Variants in CYB561A3 observed in about 807,000 individuals in gnomAD.
The protein encoded by CYB561A3 is lysosomal membrane ascorbate-dependent ferrireductase CYB561A3.
In CYB561A3, 16 loss-of-function variants were observed where a neutral mutation model predicts 25.3. That is an observed-to-expected ratio of 0.63 (90% confidence interval 0.43 to 0.96). The LOEUF is 0.96. Among genes scored for constraint, CYB561A3 ranks in the 40% least tolerant of loss-of-function variants. The pLI is 0.00. For synonymous variants in CYB561A3, 131 were observed against 129.9 expected, an observed-to-expected ratio of 1.01 and a Z score of -0.06; for missense variants, 219 against 307.5, an observed-to-expected ratio of 0.71 and a Z score of 2.15.
chr11:61,353,184 CA>C (rs772430268), intron 4 of CYB561A3, 45 bp from the exon 5 acceptor site: 1 of 1,542,858 alleles, frequency 6.5e-7, no homozygotes, highest in Non-Finnish European at 8.7e-7. Flanking sequence ...TATGTGTGAC[CA>C]AAGCACATCC....
chr11:61,361,287 T>C (rs1441196533), intron 1 of CYB561A3: 2 of 152,212 alleles, frequency 1.3e-5, no homozygotes, highest in African/African-American at 4.8e-5. Context: ...GATTCCTTAT[T>C]CTCAAAGGTA....
intron 6 of CYB561A3, 65 bp from the exon 7 acceptor site, chr11:61,350,487 TG>T: frequency 6.3e-7 from 1 of 1,588,864 alleles, no homozygotes; most frequent in East Asian, 2.3e-5. Flanking sequence ...AGGCCCAAGC[TG>T]TTCAGACAGA....
At chr11:61,356,428 A>C in intron 3 of CYB561A3, 102 bp downstream of exon 3, 3 of 951,008 alleles carry the variant, frequency 3.2e-6, no homozygotes, top group South Asian at 1.6e-5. Context: ...CTACCCCCAT[A>C]GCCCCAAGCC....
rs867590741 is a variant in CYB561A3 at position 61,354,122 on chromosome 11, A to T, written c.185-130T>A. ...AGGAAATGCTAGGGCACTGGTATCA[A>T]CTCCTCGGCATCTTCTACCCTCCCA... On this transcript the variant is annotated intron_variant, in intron 3 of 6. Transcript: ENST00000294072. 2.3e-5 allele frequency: 20 copies of T among 883,372 alleles called. No individual in the cohort carries two copies. In the South Asian group the frequency reaches 3.3e-4, roughly 15 times the overall value. 54.7% of individuals were successfully genotyped at this position (883,372 alleles called of 1,614,324 possible). A position where few individuals can be genotyped will look rare whatever the true frequency, so the allele number is the denominator to read the frequency against.
At position 61,351,014 on chromosome 11, in the gene CYB561A3, G is replaced by A; in HGVS notation, c.682C>T (p.Pro228Ser). 6.2e-7 allele frequency: 1 copy of A among 1,613,884 alleles called. No homozygotes were observed. The highest frequency in any genetic ancestry group is 1.1e-5 in the South Asian group (1 of 91,064). Residue 228 changes from proline (P) to serine (S), a missense_variant, in exon 6 of 7, where the codon CCG (proline) becomes TCG (serine). Physicochemically the swap from Pro to Ser is moderately conservative, Grantham distance 74. Coordinates refer to ENST00000294072, the MANE Select transcript of CYB561A3 (RefSeq NM_153611.6). ...LLASSWKRPE[P>S]GILTDRQPLL... The stretch of plus-strand genomic sequence containing the variant: ...ACCTGTCTGTCGGTCAGGATCCCCG[G>A]CTCTGGGCGCTTCCAAGATGAAGCC...
intron 6 of CYB561A3, 192 bp from the exon 7 acceptor site, chr11:61,350,614 G>C (rs1261280921): frequency 3.0e-6 from 2 of 674,806 alleles, no homozygotes; most frequent in Non-Finnish European, 5.0e-6. Flanking sequence ...CCTGCTCTGA[G>C]CACTCAGCTG....
At chr11:61,355,395 C>G (rs1324720265) in intron 3 of CYB561A3, among the ~76,000 whole-genome samples, 1 of 152,034 alleles carries the variant, frequency 6.6e-6, no homozygotes, top group African/African-American at 2.4e-5. Flanking sequence ...AAGATGGATC[C>G]CAGGTTGGGC....
At chr11:61,360,432 C>A (rs1857808449) in intron 1 of CYB561A3, 1 of 152,202 alleles carries the variant, frequency 6.6e-6, no homozygotes, top group African/African-American at 2.4e-5. Flanking sequence ...TTGTAGAGCA[C>A]ATGGTCTGTC....
In CYB561A3 at chr11:61,349,615, C is replaced by T. The variant is rs371157549; in HGVS notation, c.*784G>A. 49 of 702,940 alleles carry T rather than the reference C, an allele frequency of 7.0e-5. No homozygotes were observed. The highest frequency in any genetic ancestry group is 5.4e-4 in the African/African-American group (31 of 57,378). The allele number at this position is 702,940 out of a possible 1,614,324, so 43.5% of individuals were successfully genotyped here. On this transcript the variant is annotated 3_prime_UTR_variant, in exon 7 of 7. Coordinates refer to ENST00000294072, the MANE Select transcript of CYB561A3 (RefSeq NM_153611.6). ...AGACACGTAAGTCACAGGGAAAGGC[C>T]GGGATCCAGGCCTCAGCTGTAGCAG...
At chr11:61,357,143 G>A in intron 2 of CYB561A3, 1 of 1,537,714 alleles carries the variant, frequency 6.5e-7, no homozygotes. Context: ...CCCAGGCCTT[G>A]GGTTCTAAGA....
At chr11:61,360,656 T>C (rs1857821243) in intron 1 of CYB561A3, 1 of 152,186 alleles carries the variant, frequency 6.6e-6, no homozygotes, top group Non-Finnish European at 1.5e-5. Context: ...GAAATGCTAG[T>C]TCCCATCCAG....
Position 61,349,848 on chromosome 11 carries a change from G to A in CYB561A3, c.*551C>T. On this transcript the variant is annotated 3_prime_UTR_variant, in exon 7 of 7. Coordinates refer to ENST00000294072, the MANE Select transcript of CYB561A3 (RefSeq NM_153611.6). ...AGCAGATGAAGCCTGCTCTGTGGCGGGGCAGCCTAACTGAAATGCACACCT... is the reference window on the plus strand; with the variant it reads ...AGCAGATGAAGCCTGCTCTGTGGCGAGGCAGCCTAACTGAAATGCACACCT... The A allele has an allele frequency of 1.7e-6, 1 of 574,894 alleles. No homozygotes were observed. Among genetic ancestry groups the A allele is most frequent in the South Asian group, 2.0e-5 (1 of 50,748 alleles). The allele number at this position is 574,894 out of a possible 1,614,324, so 35.6% of individuals were successfully genotyped here.
intron 5 of CYB561A3, 37 bp downstream of exon 5, chr11:61,352,948 C>T (rs765470695): frequency 1.2e-6 from 2 of 1,614,092 alleles, no homozygotes; most frequent in Non-Finnish European, 1.7e-6. Flanking sequence ...CTATTCCCTC[C>T]TCTTCACCTT....
chr11:61,354,413 T>C (rs987654154), intron 3 of CYB561A3: 1 of 186,636 alleles, frequency 5.4e-6, no homozygotes, highest in African/African-American at 2.4e-5. Flanking sequence ...ATGTCAGCAC[T>C]TTGGGAGGCC....
chr11:61,357,056 A>C, intron 2 of CYB561A3: 1 of 1,417,768 alleles, frequency 7.1e-7, no homozygotes, highest in Non-Finnish European at 9.7e-7. Context: ...ACAGGACCAG[A>C]AGGTAAAGAA....
chr11:61,362,029 G>C (rs988397667), upstream of CYB561A3: 5 of 152,670 alleles, frequency 3.3e-5, no homozygotes, highest in Admixed American at 6.5e-5. Context: ...GTTCCTCCTC[G>C]GCGTTTCTTC....
At position 61,353,794 on chromosome 11, in the gene CYB561A3, A is replaced by G; in HGVS notation, c.383T>C (p.Phe128Ser). Reference sequence around the variant, plus strand: ...ACAGAGAGAACCCACCTGGCAGGCGAAGAGGAAGACAGTGGTGATGCCCAG... The same window carrying G: ...ACAGAGAGAACCCACCTGGCAGGCGGAGAGGAAGACAGTGGTGATGCCCAG... ...SWLGITTVFL[F>S]ACQWFLGFAV... Residue 128 changes from phenylalanine to serine, a missense_variant, in exon 4 of 7, where the codon TTC becomes TCC. Physicochemically the swap from Phe to Ser is radical, Grantham distance 155. Transcript: ENST00000294072. 1 of 1,614,166 alleles carries G rather than the reference A, an allele frequency of 6.2e-7. No individual in the cohort carries two copies. The highest frequency in any genetic ancestry group is 8.5e-7 in the Non-Finnish European group (1 of 1,180,026).
chr11:61,349,185 C>G lies in CYB561A3; in HGVS notation c.*1214G>C, dbSNP rs1857281397. The G allele has an allele frequency of 8.3e-6, 2 of 242,238 alleles. No individual in the cohort carries two copies. The highest frequency in any genetic ancestry group is 8.5e-6 in the Non-Finnish European group (1 of 117,392). 15.0% of individuals were successfully genotyped at this position (242,238 alleles called of 1,614,324 possible). The stretch of plus-strand genomic sequence containing the variant: ...GAGCAAGACCCTTCCCGCTCTCCAC[C>G]CTATTTCCTCCCCTGAAGAAGAGCA... On this transcript the variant is annotated 3_prime_UTR_variant, in exon 7 of 7. Coordinates refer to ENST00000294072, the MANE Select transcript of CYB561A3 (RefSeq NM_153611.6).
chr11:61,350,026 A>G lies in CYB561A3; in HGVS notation c.*373T>C, dbSNP rs1282931231. 6.2e-6 allele frequency: 3 copies of G among 486,848 alleles called. No homozygotes were observed. Among genetic ancestry groups the G allele is most frequent in the Non-Finnish European group, 1.1e-5 (3 of 267,090 alleles). 30.2% of individuals were successfully genotyped at this position (486,848 alleles called of 1,614,324 possible). A position where few individuals can be genotyped will look rare whatever the true frequency, so the allele number is the denominator to read the frequency against. On this transcript the variant is annotated 3_prime_UTR_variant, in exon 7 of 7. Coordinates refer to ENST00000294072, the MANE Select transcript of CYB561A3 (RefSeq NM_153611.6). ...AGCAGCAAGAGCGGCCAGAGCGAGG[A>G]GGACCTCGTGTGAATGGAGGACCTG...
Sources: gnomAD v4.1 joint callset for allele counts (sites outside exome capture counted in the v4.1 genomes callset) on GRCh38, gnomAD v4.1.1 for gene constraint, MANE v1.5 for transcripts, NCBI Gene and HGNC (gene_info 2026-07-23, HGNC 2026-07-21) for gene names.